Variants in HMGCS1 observed in about 807,000 individuals in gnomAD.
The protein encoded by HMGCS1 is hydroxymethylglutaryl-CoA synthase, cytoplasmic.
Under a neutral mutation model 52.3 loss-of-function variants are expected in HMGCS1, and 9 were observed. That is an observed-to-expected ratio of 0.17 (90% CI 0.10 to 0.30). The LOEUF (loss-of-function observed/expected upper bound fraction) is 0.30, where lower values mean the gene tolerates loss of function less well. Among genes scored for constraint, HMGCS1 ranks in the 10% least tolerant of loss-of-function variants. The probability of loss-of-function intolerance (pLI) is 1.00; values close to 1 mark genes in which losing one functional copy is unlikely to be tolerated. For missense variants in HMGCS1, 320 were observed against 620.9 expected (o/e 0.52, Z 5.15); for synonymous variants, 176 against 214.4 (o/e 0.82, Z 1.57).
chr5:43,307,968 G>GA (rs973493997), intron 1 of HMGCS1, 144 bp from the exon 2 acceptor site: 2 of 152,234 alleles, frequency 1.3e-5, no homozygotes, highest in East Asian at 1.9e-4. Context: ...CATTTGCTTA[G>GA]AAAAAATCAT....
In HMGCS1 at chr5:43,287,534, C is replaced by CA. The variant is rs1443318669; in HGVS notation, c.*3596dup. On this transcript the variant is annotated 3_prime_UTR_variant, in exon 11 of 11. Coordinates refer to ENST00000325110, the MANE Select transcript of HMGCS1 (RefSeq NM_001098272.3). The stretch of plus-strand genomic sequence containing the variant: ...GCAAGAGAGATGCACAGGAGTGAAA[C>CA]AAAAGAGGAAAGCCAATATAAGGAT... The CA allele has an allele frequency of 6.6e-6, 1 of 151,870 alleles. No homozygotes were observed. The highest frequency in any genetic ancestry group is 2.4e-5 in the African/African-American group (1 of 41,324). The allele number at this position is 151,870 out of a possible 1,614,324, so 9.4% of individuals were successfully genotyped here.
intron 5 of HMGCS1, among the ~76,000 whole-genome samples, chr5:43,296,389 T>G (rs76329581): frequency 0.013 from 1,937 of 152,302 alleles, 46 homozygotes; most frequent in African/African-American, 0.043. Context: ...AGAATGCTTC[T>G]TATCCAGAGC....
intron 1 of HMGCS1, among the ~76,000 whole-genome samples, chr5:43,310,334 T>C (rs867995918): frequency 1.3e-5 from 2 of 152,216 alleles, no homozygotes; most frequent in South Asian, 4.1e-4. Context: ...AGTTTTCTAA[T>C]CAGGGACCTG....
At chr5:43,312,059 C>A (rs1270254676) in intron 1 of HMGCS1, among the ~76,000 whole-genome samples, 1 of 152,208 alleles carries the variant, frequency 6.6e-6, no homozygotes, top group African/African-American at 2.4e-5. Flanking sequence ...TTAAAGAACA[C>A]AAGCTGCTTA....
At chr5:43,299,592 G>A (rs190756199) in intron 2 of HMGCS1, among the ~76,000 whole-genome samples, 2 of 152,010 alleles carry the variant, frequency 1.3e-5, no homozygotes, top group East Asian at 3.9e-4. Flanking sequence ...GGAGCTTGCA[G>A]TGAGCAGAGA....
At chr5:43,294,539 T>A (rs1479008483) in intron 7 of HMGCS1, 152 bp downstream of exon 7, 2 of 545,692 alleles carry the variant, frequency 3.7e-6, no homozygotes, top group African/African-American at 1.9e-5. Context: ...AACCCATACA[T>A]CTTTCAAGTC....
chr5:43,306,967 T>A (rs1243432621), intron 2 of HMGCS1, among the ~76,000 whole-genome samples: 1 of 152,088 alleles, frequency 6.6e-6, no homozygotes, highest in Non-Finnish European at 1.5e-5. Flanking sequence ...AAAAGCAGAA[T>A]TGTAAGAGAA....
chr5:43,312,929 GC>G, intron 1 of HMGCS1: 1 of 152,442 alleles, frequency 6.6e-6, no homozygotes, highest in Non-Finnish European at 1.5e-5. Context: ...AGAGGATCTT[GC>G]CCATCCTTTG....
At chr5:43,301,565 TCATA>T (rs1754318768) in intron 2 of HMGCS1, among the ~76,000 whole-genome samples, 1 of 152,256 alleles carries the variant, frequency 6.6e-6, no homozygotes, top group Non-Finnish European at 1.5e-5. Flanking sequence ...TTTTAATTAT[TCATA>T]CATATATAAA....
At position 43,297,120 on chromosome 5, in the gene HMGCS1, AG is replaced by A; in HGVS notation, c.620del (p.Pro207LeufsTer9). On this transcript the variant is annotated frameshift_variant, in exon 5 of 11. Transcript: ENST00000325110. LOFTEE classifies it high-confidence loss of function. ...CTATAGGATATTCAGATAGCATATC[AG>A]GCTTGTAAAAATCATAGGCATGTTG... ...HMQHAYDFYK[P>X]DMLSEYPIVD... 1.2e-6 allele frequency: 2 copies of A among 1,613,878 alleles called. No homozygotes were observed. The highest frequency in any genetic ancestry group is 1.7e-6 in the Non-Finnish European group (2 of 1,179,804).
chr5:43,302,498 C>G (rs949445082), intron 2 of HMGCS1, among the ~76,000 whole-genome samples: 1 of 152,172 alleles, frequency 6.6e-6, no homozygotes, highest in Non-Finnish European at 1.5e-5. Context: ...CATCATACTT[C>G]GTCAATTAAA....
intron 1 of HMGCS1, among the ~76,000 whole-genome samples, chr5:43,311,017 G>C (rs796933169): frequency 2.6e-5 from 4 of 152,132 alleles, no homozygotes; most frequent in South Asian, 4.1e-4. Context: ...CATGCATTAG[G>C]ATGAAGAGAT....
In HMGCS1 at chr5:43,298,807, C is replaced by T. The variant is rs1380809535; in HGVS notation, c.159G>A (p.Gln53=). The change falls in exon 3 of 11, where the codon CAG becomes CAA. Residue 53 remains glutamine (Q), a synonymous_variant. Coordinates refer to ENST00000325110, the MANE Select transcript of HMGCS1 (RefSeq NM_001098272.3). This position sits in a 1 kb window ranked among gnomAD's most constrained non-coding sequence, Gnocchi z 5.6. ...DAGKYTIGLG[Q]AKMGFCTDRE... ...TATCTGTGCAGAAGCCCATCTTGGC[C>T]TGGCCCAAGCCAATGGTATACTTTC... is the stretch of plus-strand genomic sequence containing the variant. 1.9e-6 allele frequency: 3 copies of T among 1,614,068 alleles called. No homozygotes were observed. Among genetic ancestry groups the T allele is most frequent in the South Asian group, 1.1e-5 (1 of 91,088 alleles).
chr5:43,299,113 C>T, intron 2 of HMGCS1, 138 bp from the exon 3 acceptor site: 1 of 611,482 alleles, frequency 1.6e-6, no homozygotes, highest in Non-Finnish European at 2.8e-6. Flanking sequence ...ATTTAGGGCA[C>T]TCAATTGTGT....
intron 1 of HMGCS1, among the ~76,000 whole-genome samples, chr5:43,310,578 A>C (rs1754811221): frequency 6.6e-6 from 1 of 152,190 alleles, no homozygotes. Context: ...CAAATCTTTT[A>C]GATTTAATAC....
chr5:43,304,266 T>G (rs72754516), intron 2 of HMGCS1, among the ~76,000 whole-genome samples: 2,676 of 152,346 alleles, frequency 0.018, 35 homozygotes, highest in Non-Finnish European at 0.029. Flanking sequence ...AGGCTACCCT[T>G]TAGATTCTTT....
intron 2 of HMGCS1, among the ~76,000 whole-genome samples, chr5:43,306,647 T>C (rs964201609): frequency 6.6e-5 from 10 of 152,250 alleles, no homozygotes; most frequent in Admixed American, 2.6e-4. Flanking sequence ...GTATGTTTTC[T>C]CAAATATTCC....
intron 8 of HMGCS1, 101 bp from the exon 9 acceptor site, chr5:43,293,074 A>G: frequency 1.1e-6 from 1 of 930,808 alleles, no homozygotes; most frequent in South Asian, 1.5e-5. Context: ...ACAACTTTTC[A>G]TTTTCATTAA....
Position 43,297,917 on chromosome 5 carries a change from G to T in HMGCS1, c.574+92C>A. On this transcript the variant is annotated intron_variant, in intron 4 of 10. Coordinates refer to ENST00000325110, the MANE Select transcript of HMGCS1 (RefSeq NM_001098272.3). The stretch of plus-strand genomic sequence containing the variant: ...TTAGCAAGTAGTACCTGCATTTAAT[G>T]ACCATTAAGTAAGCGACAGCTCCTA... 4.8e-6 allele frequency: 5 copies of T among 1,032,288 alleles called. No individual in the cohort carries two copies. The South Asian group carries it at 4.9e-5, about 10-fold the overall frequency. The allele number at this position is 1,032,288 out of a possible 1,614,324, so 63.9% of individuals were successfully genotyped here. A position where few individuals can be genotyped will look rare whatever the true frequency, so the allele number is the denominator to read the frequency against.
Sources: allele counts gnomAD v4.1 joint callset (sites outside exome capture counted in the v4.1 genomes callset), GRCh38; gene constraint gnomAD v4.1.1; non-coding constraint Gnocchi (gnomAD v3.1); transcripts MANE v1.5; gene names NCBI Gene and HGNC (gene_info 2026-07-23, HGNC 2026-07-21).